The following SNX13 variants were observed in gnomAD, a reference collection of about 807,000 sequenced individuals.
The protein encoded by SNX13 is sorting nexin-13.
A neutral mutation model predicts 133.6 loss-of-function variants in SNX13; 45 were observed. That is an observed-to-expected ratio of 0.34 (90% confidence interval 0.27 to 0.43). The LOEUF (loss-of-function observed/expected upper bound fraction) is 0.43, where lower values mean the gene tolerates loss of function less well. SNX13 is among the 20% of genes least tolerant of loss of function. The probability of loss-of-function intolerance (pLI) is 1.00; values close to 1 mark genes in which losing one functional copy is unlikely to be tolerated. For missense variants in SNX13, 1,032 were observed against 1,145.1 expected (o/e 0.90, Z 1.43); for synonymous variants, 414 against 373.9 (o/e 1.11, Z -1.24).
chr7:17,834,358 TA>T (rs2128311726), intron 14 of SNX13, among the ~76,000 whole-genome samples, 174 bp from the exon 15 acceptor site: 1 of 151,898 alleles, frequency 6.6e-6, no homozygotes, highest in African/African-American at 2.4e-5. Flanking sequence ...CTCCAGTAAC[TA>T]AATTATATTG....
In SNX13 at chr7:17,799,033, G is replaced by A; in HGVS notation, c.2420C>T (p.Ala807Val). 1 of 1,610,282 alleles carries A rather than the reference G, an allele frequency of 6.2e-7. No homozygotes were observed. The highest frequency in any genetic ancestry group is 8.5e-7 in the Non-Finnish European group (1 of 1,177,718). ...CCTATTAATAGTATCGCCATATGTA[G>A]CTCTAATAAGCTGTTGAAGTAGGTT... ...IKNLLQQLIR[A>V]TYGDTINRKI... Residue 807 changes from alanine to valine, a missense_variant, in exon 23 of 26, where the codon GCT (alanine) becomes GTT (valine). By Grantham distance (64) the Ala-to-Val change is moderately conservative. Coordinates refer to ENST00000428135, the MANE Select transcript of SNX13 (RefSeq NM_015132.5).
intron 1 of SNX13, among the ~76,000 whole-genome samples, chr7:17,902,637 A>G (rs768780169): frequency 3.9e-5 from 6 of 152,226 alleles, no homozygotes; most frequent in Non-Finnish European, 7.3e-5. Context: ...AACCTTTCAC[A>G]AATTCAAACA....
At position 17,875,580 on chromosome 7, in the gene SNX13, A is replaced by T. The variant is rs1191938222; in HGVS notation, c.564T>A (p.Gly188=). 1 of 1,610,180 alleles carries T rather than the reference A, an allele frequency of 6.2e-7. No homozygotes were observed. Among genetic ancestry groups the T allele is most frequent in the East Asian group, 2.2e-5 (1 of 44,800 alleles). Residue 188 remains glycine (G), a splice_region_variant and synonymous_variant, in exon 7 of 26, where the codon GGT becomes GGA. Coordinates refer to ENST00000428135, the MANE Select transcript of SNX13 (RefSeq NM_015132.5). ...KITEKDDQVK[G]TAEDLVDTFF... is the part of the protein sequence containing the mutation. ...AGGTATCTACAAGATCTTCTGCTGT[A>T]CCTAAAGAAAAACAATTCAAGATAT...
At chr7:17,911,287 AGTGTGAAGTAGT>A (rs956305180) in intron 1 of SNX13, among the ~76,000 whole-genome samples, 1 of 152,188 alleles carries the variant, frequency 6.6e-6, no homozygotes, top group Admixed American at 6.5e-5. Flanking sequence ...TGAAAAACAA[AGTGTGAAGTAGT>A]ACTTAACGTT....
intron 19 of SNX13, 125 bp downstream of exon 19, chr7:17,816,057 C>T (rs909420946): frequency 2.0e-6 from 2 of 1,018,066 alleles, no homozygotes; most frequent in Non-Finnish European, 2.8e-6. Context: ...ACATGCTGCA[C>T]AAAAGTGGTT....
chr7:17,821,169 T>TA (rs1787238126), intron 18 of SNX13, among the ~76,000 whole-genome samples: 1 of 152,204 alleles, frequency 6.6e-6, no homozygotes, highest in Admixed American at 6.6e-5. Flanking sequence ...CAAAATGTCC[T>TA]ACAGCAATCC....
chr7:17,934,531 C>T (rs907815729), intron 1 of SNX13, among the ~76,000 whole-genome samples: 1 of 152,106 alleles, frequency 6.6e-6, no homozygotes, highest in African/African-American at 2.4e-5. Context: ...GGGCAGGCAC[C>T]ACCCAATCTG....
chr7:17,831,473 G>A lies in SNX13; in HGVS notation c.1598-1426C>T, dbSNP rs974583758. Reference sequence around the variant, plus strand: ...AAGAAATGAGGAGAAAAGGAGAGAGGAGAGATAGTAAGCACAAGCAAGCCA... The same window carrying A: ...AAGAAATGAGGAGAAAAGGAGAGAGAAGAGATAGTAAGCACAAGCAAGCCA... On this transcript the variant is annotated intron_variant, in intron 15 of 25. Coordinates refer to ENST00000428135, the MANE Select transcript of SNX13 (RefSeq NM_015132.5). The A allele has an allele frequency of 1.6e-5, 16 of 972,666 alleles. 1 individual carries two copies. In the African/African-American group the frequency reaches 2.8e-4, roughly 17 times the overall value. 60.3% of individuals were successfully genotyped at this position (972,666 alleles called of 1,614,324 possible).
intron 9 of SNX13, among the ~76,000 whole-genome samples, chr7:17,858,755 G>T (rs952457508): frequency 1.3e-5 from 2 of 152,086 alleles, no homozygotes; most frequent in African/African-American, 2.4e-5. Context: ...TATGATATTT[G>T]CATATGGGTA....
chr7:17,837,611 T>C (rs1329343484), intron 13 of SNX13, among the ~76,000 whole-genome samples: 3 of 152,008 alleles, frequency 2.0e-5, no homozygotes, highest in African/African-American at 7.2e-5. Flanking sequence ...CAGGTCTTTT[T>C]CATCTATAAA....
At chr7:17,870,172 T>C (rs1043923283) in intron 8 of SNX13, among the ~76,000 whole-genome samples, 1 of 152,086 alleles carries the variant, frequency 6.6e-6, no homozygotes. Context: ...TTGTCAAACA[T>C]GGGGCCTAAA....
At chr7:17,924,979 G>A (rs188472289) in intron 1 of SNX13, among the ~76,000 whole-genome samples, 32 of 152,188 alleles carry the variant, frequency 2.1e-4, no homozygotes, top group African/African-American at 5.1e-4. Flanking sequence ...AGGCCAAGGC[G>A]GGCAGATCAC....
chr7:17,912,267 G>C (rs937278531), intron 1 of SNX13, among the ~76,000 whole-genome samples: 2 of 152,122 alleles, frequency 1.3e-5, no homozygotes, highest in African/African-American at 4.8e-5. Context: ...CTTTCCACTG[G>C]GGATCTGTGC....
chr7:17,912,106 A>C (rs1029658995), intron 1 of SNX13, among the ~76,000 whole-genome samples: 2 of 152,222 alleles, frequency 1.3e-5, no homozygotes, highest in African/African-American at 2.4e-5. Flanking sequence ...TTAATTCAAG[A>C]AAGAAAACAG....
At chr7:17,934,469 T>C (rs1046446568) in intron 1 of SNX13, among the ~76,000 whole-genome samples, 61 of 152,170 alleles carry the variant, frequency 4.0e-4, no homozygotes, top group Non-Finnish European at 3.4e-4. Context: ...CAGAGGAGAC[T>C]GAGATTAGCA....
chr7:17,818,923 G>C (rs916261711), intron 18 of SNX13, among the ~76,000 whole-genome samples: 2 of 152,084 alleles, frequency 1.3e-5, no homozygotes, highest in Non-Finnish European at 1.5e-5. Context: ...TAAATCATGA[G>C]TTTATCTATA....
rs79520003 is a variant in SNX13 at position 17,867,804 on chromosome 7, C to G, written c.837+603G>C. On this transcript the variant is annotated intron_variant, in intron 9 of 25. Coordinates refer to ENST00000428135, the MANE Select transcript of SNX13 (RefSeq NM_015132.5). ...CTAGAAGTAGGTATCAAAGTATTCC[C>G]AGAAGGTGGCCCATTTACAATTCTT... is the stretch of plus-strand genomic sequence containing the variant. Among the ~76,000 whole-genome samples, 1,314 of 151,852 alleles carry G rather than the reference C, an allele frequency of 8.7e-3. 20 individuals carry two copies. Among genetic ancestry groups the G allele is most frequent in the African/African-American group, 0.031 (1,277 of 41,412 alleles).
chr7:17,808,218 C>G lies in SNX13; in HGVS notation c.2065-4638G>C, dbSNP rs528033276. On this transcript the variant is annotated intron_variant, in intron 20 of 25. Coordinates refer to ENST00000428135, the MANE Select transcript of SNX13 (RefSeq NM_015132.5). ...GGAAACTAAGAACCTTGAAAAACAG[C>G]TGAATTGCTAACTACAATAACCAAT... Among the ~76,000 whole-genome samples the G allele has an allele frequency of 5.9e-5, 9 of 151,388 alleles. No homozygotes were observed. In the South Asian group the frequency reaches 1.9e-3, roughly 32 times the overall value.
intron 11 of SNX13, among the ~76,000 whole-genome samples, chr7:17,846,671 A>AG (rs1207942541): frequency 1.3e-5 from 2 of 152,208 alleles, no homozygotes; most frequent in Non-Finnish European, 2.9e-5. Context: ...AGAATTAAAA[A>AG]AAAAAACAAA....
Sources: allele counts gnomAD v4.1 joint callset (sites outside exome capture counted in the v4.1 genomes callset), GRCh38; gene constraint gnomAD v4.1.1; transcripts MANE v1.5; gene names NCBI Gene and HGNC (gene_info 2026-07-23, HGNC 2026-07-21).